Variants in OPCML observed in about 807,000 individuals in gnomAD.
The protein encoded by OPCML is opioid-binding protein/cell adhesion molecule.
In OPCML, 13 loss-of-function variants were observed where a neutral mutation model predicts 37.8. That is an observed-to-expected ratio of 0.34 (90% CI 0.22 to 0.55). The LOEUF (loss-of-function observed/expected upper bound fraction) is 0.55. OPCML is among the 20% of genes least tolerant of loss of function. The pLI, the probability that OPCML is intolerant of heterozygous loss-of-function variation, is 0.91. For missense variants in OPCML, 341 were observed against 435.6 expected, an observed-to-expected ratio of 0.78 and a Z score of 1.93; for synonymous variants, 176 against 168.8, an observed-to-expected ratio of 1.04 and a Z score of -0.33.
chr11:133,466,129 T>C (rs1278108439), intron 1 of OPCML, among the ~76,000 whole-genome samples: 1 of 152,166 alleles, frequency 6.6e-6, no homozygotes, highest in Non-Finnish European at 1.5e-5. Flanking sequence ...CCTCTTCACC[T>C]ATCAACAATG....
At chr11:132,561,660 C>T (rs963050274) in intron 3 of OPCML, among the ~76,000 whole-genome samples, 3 of 152,242 alleles carry the variant, frequency 2.0e-5, no homozygotes, top group Non-Finnish European at 4.4e-5. Flanking sequence ...AACTTTAGGG[C>T]TTCACTGTAA....
At chr11:132,565,089 C>T (rs1426316136) in intron 3 of OPCML, among the ~76,000 whole-genome samples, 2 of 152,138 alleles carry the variant, frequency 1.3e-5, no homozygotes. Flanking sequence ...AACGGTATCT[C>T]TACAATCTGT....
chr11:133,297,473 T>A (rs1007942819), intron 1 of OPCML: 3 of 152,176 alleles, frequency 2.0e-5, no homozygotes, highest in Non-Finnish European at 4.4e-5. Flanking sequence ...ATAGGCCTTG[T>A]AACAAGGGAC....
intron 2 of OPCML, among the ~76,000 whole-genome samples, chr11:132,660,378 C>G (rs918297574): frequency 1.3e-5 from 2 of 152,134 alleles, no homozygotes; most frequent in African/African-American, 2.4e-5. Flanking sequence ...TCGCAGCTGA[C>G]AAATCAATTA....
At chr11:132,935,939 T>A (rs1018011898) in intron 2 of OPCML, among the ~76,000 whole-genome samples, 6 of 151,884 alleles carry the variant, frequency 4.0e-5, no homozygotes, top group African/African-American at 1.5e-4. Flanking sequence ...CTATGGGAGG[T>A]CAAGTAACGG....
chr11:133,393,512 T>C (rs982435966), intron 1 of OPCML, among the ~76,000 whole-genome samples: 2 of 152,216 alleles, frequency 1.3e-5, no homozygotes, highest in Non-Finnish European at 2.9e-5. Context: ...GGCATCCATG[T>C]AAGCCTCATT....
intron 1 of OPCML, among the ~76,000 whole-genome samples, chr11:133,323,826 C>A (rs1000401175): frequency 1.3e-5 from 2 of 152,196 alleles, no homozygotes; most frequent in African/African-American, 4.8e-5. Context: ...ATCCCAGTTT[C>A]CCCCAAACTT....
intron 2 of OPCML, among the ~76,000 whole-genome samples, chr11:132,716,652 T>C (rs1274441801): frequency 6.6e-6 from 1 of 152,224 alleles, no homozygotes; most frequent in Non-Finnish European, 1.5e-5. Flanking sequence ...GATATAACTT[T>C]AATACATAGT....
chr11:133,000,465 A>G (rs1043210659), intron 1 of OPCML, among the ~76,000 whole-genome samples: 2 of 152,206 alleles, frequency 1.3e-5, no homozygotes, highest in African/African-American at 4.8e-5. Context: ...GATGTACCAT[A>G]CAATACCCTT....
chr11:133,003,226 G>A (rs778817817), intron 1 of OPCML, among the ~76,000 whole-genome samples: 10 of 152,170 alleles, frequency 6.6e-5, no homozygotes, highest in Non-Finnish European at 1.5e-4. Flanking sequence ...AAATTTATTA[G>A]CTCATGGTTT....
chr11:133,078,252 A>G (rs1159597086), intron 1 of OPCML, among the ~76,000 whole-genome samples: 1 of 152,168 alleles, frequency 6.6e-6, no homozygotes, highest in Non-Finnish European at 1.5e-5. Context: ...CGCCCGGACG[A>G]TCTGATAAAC....
chr11:133,040,455 A>G (rs1947868611), intron 1 of OPCML, among the ~76,000 whole-genome samples: 1 of 152,144 alleles, frequency 6.6e-6, no homozygotes, highest in South Asian at 2.1e-4. Flanking sequence ...GCCTTTCCCC[A>G]TCTGGCCCCT....
intron 1 of OPCML, among the ~76,000 whole-genome samples, chr11:132,979,987 A>G (rs948951600): frequency 6.6e-6 from 1 of 152,248 alleles, no homozygotes; most frequent in Non-Finnish European, 1.5e-5. Flanking sequence ...TAAGTGCTGA[A>G]TCTTGAGTCT....
intron 4 of OPCML, among the ~76,000 whole-genome samples, chr11:132,511,388 C>A (rs2096268589): frequency 6.6e-6 from 1 of 152,016 alleles, no homozygotes; most frequent in African/African-American, 2.4e-5. Flanking sequence ...CAATCAAAAT[C>A]TTAACATCTT....
chr11:133,200,201 G>A (rs765333106), intron 1 of OPCML, among the ~76,000 whole-genome samples: 1 of 152,136 alleles, frequency 6.6e-6, no homozygotes, highest in Non-Finnish European at 1.5e-5. Context: ...CCTGACTGCT[G>A]CAAACAAGAC....
intron 2 of OPCML, among the ~76,000 whole-genome samples, chr11:132,788,594 C>CA (rs1399366533): frequency 1.3e-5 from 2 of 152,156 alleles, no homozygotes; most frequent in African/African-American, 4.8e-5. Context: ...CCATCAGCAT[C>CA]ATGTGATATC....
chr11:132,969,152 T>C (rs977507558), intron 1 of OPCML, among the ~76,000 whole-genome samples: 2 of 151,206 alleles, frequency 1.3e-5, no homozygotes, highest in African/African-American at 2.4e-5. Context: ...GTCATTCTTA[T>C]GCCATTGCAT....
intron 4 of OPCML, among the ~76,000 whole-genome samples, chr11:132,526,835 A>C (rs765642769): frequency 1.8e-4 from 28 of 152,148 alleles, no homozygotes; most frequent in Middle Eastern, 3.2e-3. Flanking sequence ...TTCAAGATAC[A>C]GAACTTTTCC....
At chr11:133,260,470 T>C (rs1393798053) in intron 1 of OPCML, among the ~76,000 whole-genome samples, 1 of 152,090 alleles carries the variant, frequency 6.6e-6, no homozygotes, top group Admixed American at 6.6e-5. Flanking sequence ...GATAAGGACG[T>C]ACAGTCCTCA....
Sources: allele counts gnomAD v4.1 joint callset (sites outside exome capture counted in the v4.1 genomes callset), GRCh38; gene constraint gnomAD v4.1.1; transcripts MANE v1.5; gene names NCBI Gene and HGNC (gene_info 2026-07-23, HGNC 2026-07-21).